PPIG: variants seen among roughly 807,000 people sequenced by gnomAD.
PPIG encodes peptidylprolyl isomerase G.
In PPIG, 26 loss-of-function variants were observed where a neutral mutation model predicts 87.9. The observed-to-expected ratio is 0.30, with a 90% confidence interval of 0.22 to 0.41. The LOEUF (loss-of-function observed/expected upper bound fraction) is 0.41, where lower values mean the gene tolerates loss of function less well. PPIG is among the 10% of genes least tolerant of loss of function. The pLI is 1.00. For missense variants in PPIG, 722 were observed against 879.4 expected, an observed-to-expected ratio of 0.82 and a Z score of 2.26; for synonymous variants, 308 against 276.5, an observed-to-expected ratio of 1.11 and a Z score of -1.13.
chr2:169,591,073 CATA>C (rs1253809498), intron 1 of PPIG, among the ~76,000 whole-genome samples: 1 of 152,208 alleles, frequency 6.6e-6, no homozygotes, highest in East Asian at 1.9e-4. Flanking sequence ...CTGACTTCCT[CATA>C]ATGTGTGAAA....
At position 169,614,636 on chromosome 2, in the gene PPIG, G is replaced by A. The variant is rs907712071; in HGVS notation, c.459G>A (p.Glu153=). ...QVISGQEVVR[E]IENQKTDAAS... is the part of the protein sequence containing the mutation. ...TCTCTGGTCAAGAAGTTGTAAGAGAGATTGAAAACCAGAAAACAGATGCAG... is the reference window on the plus strand; with the variant it reads ...TCTCTGGTCAAGAAGTTGTAAGAGAAATTGAAAACCAGAAAACAGATGCAG... Residue 153 remains glutamate, a synonymous_variant, in exon 9 of 14, where the codon GAG becomes GAA. Coordinates refer to ENST00000260970, the MANE Select transcript of PPIG (RefSeq NM_004792.3). The A allele has an allele frequency of 4.3e-6, 7 of 1,613,290 alleles. No homozygotes were observed. In the Admixed American group the frequency reaches 1.2e-4, roughly 27 times the overall value.
intron 9 of PPIG, among the ~76,000 whole-genome samples, chr2:169,615,838 G>A (rs1174170098): frequency 6.6e-6 from 1 of 152,074 alleles, no homozygotes; most frequent in Non-Finnish European, 1.5e-5. Context: ...GGATCATATA[G>A]AAGTTCTATT....
rs758852303 is a variant in PPIG at position 169,636,140 on chromosome 2, A to G, written c.1066A>G (p.Ser356Gly). ...RSRSRDRFRRSETPPHWRQEM... is the reference protein window; with the variant it reads ...RSRSRDRFRRGETPPHWRQEM... ...CAGATCAAGGGATCGTTTCAGACGT[A>G]GTGAGACTCCTCCACATTGGAGGCA... Residue 356 changes from serine (S) to glycine (G), a missense_variant, in exon 13 of 14, where the codon AGT becomes GGT. Around this residue, in one of 4 missense-constraint regions of PPIG, gnomAD observed 476 missense variants for 483.1 expected, o/e 0.99. Coordinates refer to ENST00000260970, the MANE Select transcript of PPIG (RefSeq NM_004792.3). The G allele has an allele frequency of 6.2e-7, 1 of 1,612,154 alleles. No homozygotes were observed.
intron 9 of PPIG, among the ~76,000 whole-genome samples, chr2:169,627,283 G>T (rs1461754857): frequency 6.6e-6 from 1 of 151,964 alleles, no homozygotes; most frequent in Admixed American, 6.5e-5. Context: ...ATTTTTAGTA[G>T]AGACAGTTTT....
intron 1 of PPIG, among the ~76,000 whole-genome samples, chr2:169,591,831 C>T (rs969740111): frequency 6.7e-6 from 1 of 148,516 alleles, no homozygotes; most frequent in Non-Finnish European, 1.5e-5. Context: ...GTAGTTCATA[C>T]TAAACAAATT....
chr2:169,620,304 A>C (rs1685711117), intron 9 of PPIG, among the ~76,000 whole-genome samples: 1 of 152,016 alleles, frequency 6.6e-6, no homozygotes, highest in Admixed American at 6.5e-5. Context: ...GTGGATATCT[A>C]GTTGTTCCAA....
rs1685905389 is a variant in PPIG at position 169,626,987 on chromosome 2, GGT to G, written c.548-3783_548-3782del. ...GGTGTCCCAAAGTGCTAGGATTACA[GGT>G]GTGAGCCACCACCATGCCTGGCCTA... On this transcript the variant is annotated intron_variant, in intron 9 of 13. Transcript: ENST00000260970. Among the ~76,000 whole-genome samples, 6 of 152,244 alleles carry G rather than the reference GGT, an allele frequency of 3.9e-5. No individual in the cohort carries two copies. In the South Asian group the frequency reaches 1.2e-3, roughly 32 times the overall value.
intron 6 of PPIG, among the ~76,000 whole-genome samples, chr2:169,607,766 G>A (rs1286035062): frequency 6.6e-6 from 1 of 152,166 alleles, no homozygotes; most frequent in Non-Finnish European, 1.5e-5. Context: ...TGATGCTATG[G>A]CAGAGGTTAA....
At chr2:169,635,569 G>A (rs2290006) in intron 12 of PPIG, among the ~76,000 whole-genome samples, 90,740 of 152,042 alleles carry the variant, frequency 0.6, 27,723 homozygotes, top group African/African-American at 0.73. Context: ...TTGGCTCACT[G>A]ATGTTCTCTC....
At chr2:169,592,891 C>G (rs1246781439) in intron 1 of PPIG, among the ~76,000 whole-genome samples, 2 of 152,104 alleles carry the variant, frequency 1.3e-5, no homozygotes, top group African/African-American at 2.4e-5. Context: ...TTGTTGTCAC[C>G]ATTGTTTTTC....
At chr2:169,595,865 G>A (rs559448618) in intron 1 of PPIG, among the ~76,000 whole-genome samples, 1 of 152,202 alleles carries the variant, frequency 6.6e-6, no homozygotes, top group East Asian at 1.9e-4. Flanking sequence ...GTGCAGTGGC[G>A]CGATCTTGGC....
intron 5 of PPIG, 119 bp from the exon 6 acceptor site, chr2:169,606,985 A>G (rs1044604688): frequency 1.1e-4 from 74 of 696,950 alleles, no homozygotes; most frequent in Non-Finnish European, 1.5e-4. Flanking sequence ...ATTTGCTGCA[A>G]TCTTCGAATA....
intron 8 of PPIG, 25 bp downstream of exon 8, chr2:169,614,518 C>T: frequency 6.4e-7 from 1 of 1,555,932 alleles, no homozygotes; most frequent in Non-Finnish European, 8.7e-7. Flanking sequence ...ATTTATTTTA[C>T]AACCTGTTTT....
chr2:169,633,526 A>C (rs1574465619), intron 12 of PPIG: 3 of 485,066 alleles, frequency 6.2e-6, no homozygotes, highest in Non-Finnish European at 1.1e-5. Flanking sequence ...CTGTATCTCT[A>C]TTCTTGTTAA....
chr2:169,630,664 G>A, intron 9 of PPIG, 110 bp from the exon 10 acceptor site: 2 of 886,926 alleles, frequency 2.3e-6, no homozygotes, highest in Non-Finnish European at 3.6e-6. Flanking sequence ...ATAGCTGGAT[G>A]ATCTAAGTGC....
At chr2:169,586,413 C>G (rs1684706824) in intron 1 of PPIG, among the ~76,000 whole-genome samples, 1 of 152,182 alleles carries the variant, frequency 6.6e-6, no homozygotes, top group South Asian at 2.1e-4. Context: ...TTGATCTCCA[C>G]CTTCCATCAA....
intron 1 of PPIG, among the ~76,000 whole-genome samples, chr2:169,597,328 G>A (rs886157405): frequency 1.3e-5 from 2 of 151,784 alleles, no homozygotes; most frequent in Non-Finnish European, 2.9e-5. Context: ...TGTTTTTGGA[G>A]ATGGTCTGAG....
intron 9 of PPIG, among the ~76,000 whole-genome samples, chr2:169,618,899 T>G (rs888391993): frequency 2.0e-5 from 3 of 151,896 alleles, no homozygotes; most frequent in African/African-American, 4.8e-5. Flanking sequence ...GTATTTCTCG[T>G]CTTCTGCTAG....
At position 169,631,748 on chromosome 2, in the gene PPIG, G is replaced by A; in HGVS notation, c.762-18G>A. On this transcript the variant is annotated intron_variant, in intron 10 of 13. Coordinates refer to ENST00000260970, the MANE Select transcript of PPIG (RefSeq NM_004792.3). The stretch of plus-strand genomic sequence containing the variant: ...AATAACCAACTGTAACTTGTTTTGT[G>A]TGTTTCTGTCTGTTAAGTGCATCTA... The A allele has an allele frequency of 6.2e-7, 1 of 1,613,428 alleles. No homozygotes were observed. Among genetic ancestry groups the A allele is most frequent in the South Asian group, 1.1e-5 (1 of 90,962 alleles).
Sources: gnomAD v4.1 joint callset for allele counts (sites outside exome capture counted in the v4.1 genomes callset) on GRCh38, gnomAD v4.1.1 for gene constraint, gnomAD v4.1.1 regional missense constraint, MANE v1.5 for transcripts, NCBI Gene and HGNC (gene_info 2026-07-23, HGNC 2026-07-21) for gene names.